The following TMCO5A variants were observed in gnomAD, a reference collection of about 807,000 sequenced individuals.
TMCO5A encodes transmembrane and coiled-coil domains 5A.
A neutral mutation model predicts 42.3 loss-of-function variants in TMCO5A; 34 were observed. The ratio of observed to expected loss-of-function variants is 0.80; its 90% CI spans 0.61 to 1.07. The LOEUF (loss-of-function observed/expected upper bound fraction) is 1.07, where lower values mean the gene tolerates loss of function less well. Among genes scored for constraint, TMCO5A ranks in the 50% least tolerant of loss-of-function variants. The probability of loss-of-function intolerance (pLI) is 0.00; values close to 1 mark genes in which losing one functional copy is unlikely to be tolerated. For synonymous variants in TMCO5A, 131 were observed against 115.6 expected, an observed-to-expected ratio of 1.13 and a Z score of -0.86; for missense variants, 357 against 327.9, an observed-to-expected ratio of 1.09 and a Z score of -0.69.
the TMCO5A span, among the ~76,000 whole-genome samples, chr15:37,997,922 A>T: frequency 6.6e-6 from 1 of 151,990 alleles, no homozygotes; most frequent in Non-Finnish European, 1.5e-5. Flanking sequence ...TTTCATCGTA[A>T]TTTTGATTTG....
At chr15:38,007,835 G>A in the TMCO5A span, among the ~76,000 whole-genome samples, 1 of 123,362 alleles carries the variant, frequency 8.1e-6, no homozygotes, top group African/African-American at 3.1e-5. Flanking sequence ...GTTTTTCAAT[G>A]ATTGAGGGTT....
chr15:37,988,406 G>C, the TMCO5A span, among the ~76,000 whole-genome samples: 1 of 151,926 alleles, frequency 6.6e-6, no homozygotes, highest in Admixed American at 6.6e-5. Context: ...GGCAAACATG[G>C]GCATCCTTTC....
At chr15:37,989,318 C>T in the TMCO5A span, among the ~76,000 whole-genome samples, 1 of 151,778 alleles carries the variant, frequency 6.6e-6, no homozygotes, top group Non-Finnish European at 1.5e-5. Flanking sequence ...CTGCTCTAAT[C>T]TTTATTATTT....
intron 8 of TMCO5A, 37 bp from the exon 9 acceptor site, chr15:37,942,154 A>T (rs907801446): frequency 3.4e-5 from 54 of 1,593,984 alleles, no homozygotes; most frequent in Non-Finnish European, 3.9e-5. Flanking sequence ...TAAACCTTCT[A>T]AGTAGTAACT....
chr15:37,976,929 T>C, the TMCO5A span, among the ~76,000 whole-genome samples: 1 of 151,554 alleles, frequency 6.6e-6, no homozygotes, highest in Non-Finnish European at 1.5e-5. Context: ...GGGATTACAG[T>C]GCCTGCCACC....
chr15:37,966,336 A>G (rs1479936761), intron 11 of TMCO5A, among the ~76,000 whole-genome samples: 3 of 152,070 alleles, frequency 2.0e-5, no homozygotes, highest in African/African-American at 7.2e-5. Context: ...CAGGGTGACT[A>G]TCATCGATAA....
chr15:38,036,592 T>C, the TMCO5A span, among the ~76,000 whole-genome samples: 1 of 152,078 alleles, frequency 6.6e-6, no homozygotes. Flanking sequence ...TTTCCTTTCA[T>C]GCCTCCATAC....
intron 10 of TMCO5A, among the ~76,000 whole-genome samples, chr15:37,947,113 TG>T (rs1475385388): frequency 1.3e-5 from 2 of 152,168 alleles, no homozygotes; most frequent in Non-Finnish European, 2.9e-5. Flanking sequence ...GAGATAATCA[TG>T]GGTTTTTGTT....
chr15:37,990,987 G>C, the TMCO5A span, among the ~76,000 whole-genome samples: 1 of 151,958 alleles, frequency 6.6e-6, no homozygotes, highest in African/African-American at 2.4e-5. Flanking sequence ...ATAAATAACT[G>C]TTTTATGCAT....
the TMCO5A span, among the ~76,000 whole-genome samples, chr15:37,998,143 C>T: frequency 6.6e-6 from 1 of 151,722 alleles, no homozygotes; most frequent in Non-Finnish European, 1.5e-5. Context: ...TCCCCCATTC[C>T]GTGGGTTGTG....
At position 37,958,352 on chromosome 15, in the gene TMCO5A, G is replaced by T. The variant is rs151168235; in HGVS notation, c.669-8273G>T. Reference sequence around the variant, plus strand: ...TTGCAATCTATCTATCTGACAAAGGGCTAATATCCAGAATCTACAAAGAAC... The same window carrying T: ...TTGCAATCTATCTATCTGACAAAGGTCTAATATCCAGAATCTACAAAGAAC... On this transcript the variant is annotated intron_variant, in intron 11 of 11. Transcript: ENST00000559502. Among the ~76,000 whole-genome samples, 158 of 151,150 alleles carry T rather than the reference G, an allele frequency of 1.0e-3. 4 individuals carry two copies. The East Asian group carries it at 0.027, about 25-fold the overall frequency.
At chr15:37,974,974 T>A in the TMCO5A span, among the ~76,000 whole-genome samples, 1 of 152,228 alleles carries the variant, frequency 6.6e-6, no homozygotes, top group African/African-American at 2.4e-5. Context: ...TATTTCTTGA[T>A]GTCTACCTTA....
the TMCO5A span, among the ~76,000 whole-genome samples, chr15:37,976,873 C>G: frequency 6.7e-6 from 1 of 150,308 alleles, no homozygotes; most frequent in African/African-American, 2.5e-5. Flanking sequence ...ACAACCTCCG[C>G]CTCCCAGGTT....
downstream of TMCO5A, among the ~76,000 whole-genome samples, chr15:37,970,543 C>A (rs1275100941): frequency 6.6e-6 from 1 of 152,204 alleles, no homozygotes; most frequent in Non-Finnish European, 1.5e-5. Flanking sequence ...GCCTTTCCTA[C>A]AGTCCCCCAA....
chr15:37,985,286 G>T, the TMCO5A span, among the ~76,000 whole-genome samples: 7 of 152,280 alleles, frequency 4.6e-5, no homozygotes, highest in Admixed American at 1.3e-4. Context: ...GATTTTAATT[G>T]TGAGGTTGTA....
chr15:38,018,221 T>A, the TMCO5A span, among the ~76,000 whole-genome samples: 1 of 152,026 alleles, frequency 6.6e-6, no homozygotes, highest in Non-Finnish European at 1.5e-5. Flanking sequence ...TGGTAAACAG[T>A]AATAGACAAC....
At chr15:37,941,595 C>A in intron 7 of TMCO5A, 76 bp from the exon 8 acceptor site, 2 of 1,089,842 alleles carry the variant, frequency 1.8e-6, no homozygotes, top group Non-Finnish European at 2.8e-6. Flanking sequence ...ACCTGGGACC[C>A]AAGAGAAAAC....
chr15:37,968,740 G>T (rs1024862497), downstream of TMCO5A, among the ~76,000 whole-genome samples: 3 of 151,584 alleles, frequency 2.0e-5, no homozygotes, highest in African/African-American at 7.3e-5. Context: ...CCACCACCAC[G>T]CCCGGCTAAT....
the TMCO5A span, among the ~76,000 whole-genome samples, chr15:37,981,200 C>CAAAAAAAAAAAAAAAAAAAAAAAA: frequency 3.1e-5 from 2 of 65,346 alleles, no homozygotes; most frequent in African/African-American, 5.6e-5. Flanking sequence ...AGAAAGCCAG[C>CAAAAAAAAAAAAAAAAAAAAAAAA]AAAAAAAAAA....
Sources: gnomAD v4.1 joint callset for allele counts (sites outside exome capture counted in the v4.1 genomes callset) on GRCh38, gnomAD v4.1.1 for gene constraint, MANE v1.5 for transcripts, NCBI Gene and HGNC (gene_info 2026-07-23, HGNC 2026-07-21) for gene names.